Variants in DPP6 observed in about 807,000 individuals in gnomAD.
DPP6 encodes the protein dipeptidyl peptidase like 6.
In DPP6, 69 loss-of-function variants were observed where a neutral mutation model predicts 122.6. The observed-to-expected ratio is 0.56, with a 90% CI of 0.46 to 0.69. DPP6 has a LOEUF of 0.69. DPP6 is among the 30% of genes least tolerant of loss of function. DPP6 has a pLI of 0.00. For missense variants in DPP6, 928 were observed against 1,116.9 expected, an observed-to-expected ratio of 0.83 and a Z score of 2.41; for synonymous variants, 418 against 433.1, an observed-to-expected ratio of 0.97 and a Z score of 0.43.
At chr7:154,495,921 C>A (rs755534617) in intron 3 of DPP6, among the ~76,000 whole-genome samples, 3 of 152,174 alleles carry the variant, frequency 2.0e-5, no homozygotes, top group Admixed American at 6.5e-5. Context: ...GAGCCAGGGA[C>A]TGTCAGAGCT....
chr7:154,310,260 G>A (rs1271689460), intron 1 of DPP6, among the ~76,000 whole-genome samples: 1 of 152,128 alleles, frequency 6.6e-6, no homozygotes, highest in Non-Finnish European at 1.5e-5. Flanking sequence ...GGGATGTTTT[G>A]CTTGTTACCA....
At chr7:154,098,355 T>A (rs1484145700) in intron 1 of DPP6, among the ~76,000 whole-genome samples, 1 of 152,216 alleles carries the variant, frequency 6.6e-6, no homozygotes, top group Non-Finnish European at 1.5e-5. Context: ...TTAAACCTCT[T>A]TTCTTTATAA....
At chr7:154,419,987 T>C (rs557294973) in intron 1 of DPP6, among the ~76,000 whole-genome samples, 1 of 152,242 alleles carries the variant, frequency 6.6e-6, no homozygotes, top group South Asian at 2.1e-4. Context: ...CTTTGACGGA[T>C]GGTTGGGTAA....
At chr7:154,090,986 T>C (rs1041023380) in intron 1 of DPP6, among the ~76,000 whole-genome samples, 14 of 151,054 alleles carry the variant, frequency 9.3e-5, no homozygotes, top group African/African-American at 3.2e-4. Flanking sequence ...CCAGGCGTGG[T>C]GGCGGGTGCC....
intron 12 of DPP6, among the ~76,000 whole-genome samples, chr7:154,797,762 T>C (rs1272127886): frequency 6.6e-6 from 1 of 152,200 alleles, no homozygotes; most frequent in African/African-American, 2.4e-5. Context: ...AATTGTTCAC[T>C]TTTATTAGTA....
chr7:154,390,728 C>A (rs1440278365), intron 1 of DPP6, among the ~76,000 whole-genome samples: 1 of 152,098 alleles, frequency 6.6e-6, no homozygotes, highest in Non-Finnish European at 1.5e-5. Context: ...CCGCCGTCTT[C>A]TCTGGCACTG....
intron 6 of DPP6, among the ~76,000 whole-genome samples, chr7:154,639,715 G>C (rs1328988974): frequency 6.6e-6 from 1 of 152,162 alleles, no homozygotes; most frequent in African/African-American, 2.4e-5. Flanking sequence ...GCCTGGTGAT[G>C]ATCTGCCTTA....
intron 1 of DPP6, among the ~76,000 whole-genome samples, chr7:154,393,056 G>C (rs914793961): frequency 6.6e-6 from 1 of 152,190 alleles, no homozygotes; most frequent in Non-Finnish European, 1.5e-5. Context: ...TGCATTTAAA[G>C]TCTTAAACTT....
In DPP6 at chr7:153,887,728, C is replaced by T. The variant is rs763709977; in HGVS notation, c.45C>T (p.Asn15=). The change falls in exon 1 of 26, where the codon AAC becomes AAT. Residue 15 remains asparagine (N), a synonymous_variant. Transcript: ENST00000404039. ...TCAAGACCGCTAAGATGCAGGGGAA[C>T]GTGATGGTGAGTGCCACGGACAGGG... is the stretch of plus-strand genomic sequence containing the variant. 6.5e-5 allele frequency: 105 copies of T among 1,613,642 alleles called. 1 individual carries two copies. The South Asian group carries it at 1.1e-3, about 17-fold the overall frequency.
In DPP6 at chr7:154,760,387, C is replaced by G. The variant is rs554805175; in HGVS notation, c.884-9030C>G. 6.6e-6 allele frequency among the ~76,000 whole-genome samples: 1 copy of G among 151,998 alleles called. No homozygotes were observed. Among genetic ancestry groups the G allele is most frequent in the African/African-American group, 2.4e-5 (1 of 41,368 alleles). ...AAATTCAGTCCATGACATCAGCAAG[C>G]TCATTCTGCACAGACCCCAGTTGAC... On this transcript the variant is annotated intron_variant, in intron 8 of 25. Transcript: ENST00000377770. This position sits in a 1 kb window ranked among gnomAD's most constrained non-coding sequence, Gnocchi z 4.5.
intron 1 of DPP6, among the ~76,000 whole-genome samples, chr7:153,929,921 C>T (rs1274582621): frequency 1.3e-5 from 2 of 152,162 alleles, no homozygotes; most frequent in African/African-American, 2.4e-5. Flanking sequence ...GTGGAAGCCA[C>T]TGAACATTTT....
intron 1 of DPP6, among the ~76,000 whole-genome samples, chr7:154,030,006 G>C (rs1454797361): frequency 6.6e-6 from 1 of 152,076 alleles, no homozygotes; most frequent in Non-Finnish European, 1.5e-5. Context: ...AACCAGCCTG[G>C]GCAACATGGC....
At chr7:154,146,507 T>C (rs1796089322) in intron 1 of DPP6, among the ~76,000 whole-genome samples, 1 of 152,164 alleles carries the variant, frequency 6.6e-6, no homozygotes, top group African/African-American at 2.4e-5. Context: ...CCTCGCTGAT[T>C]CTTTCCCTCC....
At chr7:154,152,651 A>G (rs1364928341) in intron 1 of DPP6, among the ~76,000 whole-genome samples, 3 of 152,220 alleles carry the variant, frequency 2.0e-5, no homozygotes, top group African/African-American at 7.2e-5. Flanking sequence ...TCTTAACTTC[A>G]GTTCCCTCAT....
intron 1 of DPP6, among the ~76,000 whole-genome samples, chr7:154,440,245 G>A (rs1819252502): frequency 6.6e-6 from 1 of 152,170 alleles, no homozygotes; most frequent in Admixed American, 6.5e-5. Flanking sequence ...TTCTGAAAGG[G>A]CTGCTCAGCT....
At chr7:154,379,186 A>G (rs12536601) in intron 1 of DPP6, among the ~76,000 whole-genome samples, 74,134 of 152,124 alleles carry the variant, frequency 0.49, 20,706 homozygotes, top group East Asian at 0.63. Context: ...GCCTCCATAA[A>G]AGGTCACAGA....
intron 2 of DPP6, among the ~76,000 whole-genome samples, chr7:154,447,583 G>T (rs1040193582): frequency 6.6e-6 from 1 of 151,852 alleles, no homozygotes; most frequent in Non-Finnish European, 1.5e-5. Context: ...ATGAGAAAAG[G>T]ACGATCTGTA....
chr7:154,044,821 T>A (rs1799940380), intron 1 of DPP6, among the ~76,000 whole-genome samples: 1 of 152,228 alleles, frequency 6.6e-6, no homozygotes, highest in Admixed American at 6.5e-5. Flanking sequence ...GACAGGATTT[T>A]TTTATTGCAT....
chr7:154,730,944 G>A (rs989173687), intron 8 of DPP6, among the ~76,000 whole-genome samples: 1 of 152,176 alleles, frequency 6.6e-6, no homozygotes, highest in Admixed American at 6.5e-5. Context: ...GCATTTACAC[G>A]AAATTGTGTT....
Sources: gnomAD v4.1 joint callset for allele counts (sites outside exome capture counted in the v4.1 genomes callset) on GRCh38, gnomAD v4.1.1 for gene constraint, Gnocchi (gnomAD v3.1) non-coding constraint, MANE v1.5 for transcripts, NCBI Gene and HGNC (gene_info 2026-07-23, HGNC 2026-07-21) for gene names.